SPTLC3: variants seen among roughly 807,000 people sequenced by gnomAD.
The protein encoded by SPTLC3 is serine palmitoyltransferase 3.
In SPTLC3, 36 loss-of-function variants were observed where a neutral mutation model predicts 59.3. The ratio of observed to expected loss-of-function variants is 0.61; its 90% CI spans 0.47 to 0.80. SPTLC3 has a LOEUF of 0.80. Ranked by LOEUF, SPTLC3 falls within the 30% of genes least tolerant of loss-of-function variation. SPTLC3 has a pLI of 0.00. For missense variants in SPTLC3, 625 were observed against 685.1 expected (o/e 0.91, Z 0.98); for synonymous variants, 257 against 240.8 (o/e 1.07, Z -0.62).
chr20:13,097,974 G>C (rs774164265), intron 6 of SPTLC3, among the ~76,000 whole-genome samples: 1 of 152,162 alleles, frequency 6.6e-6, no homozygotes, highest in Non-Finnish European at 1.5e-5. Flanking sequence ...GATAAGAATA[G>C]TGTATCAACA....
At chr20:13,031,581 A>G (rs1465536867) in intron 1 of SPTLC3, among the ~76,000 whole-genome samples, 1 of 152,114 alleles carries the variant, frequency 6.6e-6, no homozygotes, top group Non-Finnish European at 1.5e-5. Context: ...CTTGCTCTCT[A>G]GTCTTAAAAG....
chr20:13,126,571 G>A lies in SPTLC3; in HGVS notation c.1153-20G>A, dbSNP rs774678408. On this transcript the variant is annotated intron_variant, in intron 8 of 11. Coordinates refer to ENST00000399002, the MANE Select transcript of SPTLC3 (RefSeq NM_018327.4). ...TGAGATTTATTTGCCTTCTTTTTGG[G>A]TTTCCCCTCTTTATTTAAGGACCTC... 3.1e-6 allele frequency: 5 copies of A among 1,612,128 alleles called. No individual in the cohort carries two copies. In the South Asian group the frequency reaches 5.5e-5, roughly 18 times the overall value.
intron 2 of SPTLC3, among the ~76,000 whole-genome samples, chr20:13,060,289 C>A (rs555065762): frequency 6.6e-6 from 1 of 152,154 alleles, no homozygotes; most frequent in South Asian, 2.1e-4. Flanking sequence ...AGTTTGGGTG[C>A]AAGAGTACAT....
chr20:13,091,810 C>G (rs6105036), intron 5 of SPTLC3, among the ~76,000 whole-genome samples: 1 of 152,052 alleles, frequency 6.6e-6, no homozygotes, highest in Non-Finnish European at 1.5e-5. Context: ...CTTCTCAGAG[C>G]TAATATTTAT....
At chr20:13,015,721 C>T (rs544748846) in intron 1 of SPTLC3, among the ~76,000 whole-genome samples, 26 of 152,044 alleles carry the variant, frequency 1.7e-4, no homozygotes, top group African/African-American at 2.4e-5. Context: ...GTGACTAGCA[C>T]TACCAACTAG....
intron 4 of SPTLC3, among the ~76,000 whole-genome samples, chr20:13,085,047 A>C (rs1988960514): frequency 6.6e-6 from 1 of 152,116 alleles, no homozygotes; most frequent in Admixed American, 6.5e-5. Flanking sequence ...GCCAAAAAGC[A>C]GGTTGATTTG....
intron 2 of SPTLC3, among the ~76,000 whole-genome samples, chr20:13,062,479 T>C (rs1194546282): frequency 1.3e-5 from 2 of 152,308 alleles, no homozygotes; most frequent in East Asian, 3.9e-4. Flanking sequence ...TACAGAAACA[T>C]ATATATTTAC....
In SPTLC3 at chr20:13,100,820, C is replaced by T. The variant is rs186438695; in HGVS notation, c.826+7243C>T. 3.7e-4 allele frequency among the ~76,000 whole-genome samples: 56 copies of T among 152,306 alleles called. No individual in the cohort carries two copies. The East Asian group carries it at 0.011, about 29-fold the overall frequency. ...ATCCTCAAAGTGATTATATGACCTG[C>T]CTAAGGTCAGGCAAATGATAAATCA... On this transcript the variant is annotated intron_variant, in intron 6 of 11. Transcript: ENST00000399002.
chr20:13,128,806 T>TTAGCC (rs1168266056), intron 9 of SPTLC3, among the ~76,000 whole-genome samples: 2 of 151,702 alleles, frequency 1.3e-5, no homozygotes, highest in Non-Finnish European at 2.9e-5. Flanking sequence ...TTCTCCTGCC[T>TTAGCC]TAGCCTCCTG....
At chr20:13,075,303 T>C (rs1335245165) in intron 4 of SPTLC3, among the ~76,000 whole-genome samples, 2 of 152,146 alleles carry the variant, frequency 1.3e-5, no homozygotes, top group African/African-American at 4.8e-5. Context: ...TCCCTCCTAG[T>C]GACACATGCA....
At chr20:13,024,468 C>A (rs550289690) in intron 1 of SPTLC3, among the ~76,000 whole-genome samples, 68 of 152,286 alleles carry the variant, frequency 4.5e-4, no homozygotes, top group African/African-American at 1.6e-3. Context: ...ATACACTTCA[C>A]TTCTAAACCC....
intron 10 of SPTLC3, among the ~76,000 whole-genome samples, chr20:13,156,570 A>G (rs1443572026): frequency 4.6e-5 from 7 of 152,212 alleles, no homozygotes; most frequent in Admixed American, 3.9e-4. Flanking sequence ...ATCTTATTTC[A>G]TAAGGTTACT....
intron 1 of SPTLC3, among the ~76,000 whole-genome samples, chr20:13,026,267 T>A (rs1986140213): frequency 6.6e-6 from 1 of 152,278 alleles, no homozygotes; most frequent in East Asian, 1.9e-4. Context: ...CTGCGTTGAG[T>A]GGTAGTTCTG....
intron 3 of SPTLC3, chr20:13,074,102 G>A (rs948621872): frequency 8.9e-6 from 6 of 676,078 alleles, no homozygotes; most frequent in African/African-American, 7.0e-5. Context: ...TCCTTTTCCA[G>A]CTTCCAGGGA....
At chr20:13,132,979 C>G (rs1251667036) in intron 9 of SPTLC3, 1 of 153,148 alleles carries the variant, frequency 6.5e-6, no homozygotes, top group Admixed American at 6.5e-5. Context: ...CCTGCTCCCT[C>G]TAAAGCCACT....
At chr20:13,143,953 T>C (rs8121193) in intron 9 of SPTLC3, among the ~76,000 whole-genome samples, 32,949 of 152,170 alleles carry the variant, frequency 0.22, 3,705 homozygotes, top group African/African-American at 0.28. Context: ...TCCCTCATCC[T>C]GATCCATGCA....
intron 9 of SPTLC3, among the ~76,000 whole-genome samples, chr20:13,139,084 C>A (rs1347976987): frequency 6.6e-6 from 1 of 152,158 alleles, no homozygotes; most frequent in African/African-American, 2.4e-5. Flanking sequence ...TCCAAAATGA[C>A]ATTTTCCATC....
At chr20:13,141,985 A>G (rs920858657) in intron 9 of SPTLC3, among the ~76,000 whole-genome samples, 9 of 152,354 alleles carry the variant, frequency 5.9e-5, no homozygotes, top group Middle Eastern at 3.4e-3. Context: ...GGTTTGTCCA[A>G]TAAATGCAAA....
At chr20:13,101,071 C>T (rs924852891) in intron 6 of SPTLC3, among the ~76,000 whole-genome samples, 1 of 152,176 alleles carries the variant, frequency 6.6e-6, no homozygotes, top group Non-Finnish European at 1.5e-5. Context: ...GACAACAGGA[C>T]CTCGATTCTA....
Sources: gnomAD v4.1 joint callset for allele counts (sites outside exome capture counted in the v4.1 genomes callset) on GRCh38, gnomAD v4.1.1 for gene constraint, MANE v1.5 for transcripts, NCBI Gene and HGNC (gene_info 2026-07-23, HGNC 2026-07-21) for gene names.